The following RIOK2 variants were observed in gnomAD, a reference collection of about 807,000 sequenced individuals.
RIOK2 encodes the protein serine/threonine-protein kinase RIO2.
A neutral mutation model predicts 62.4 loss-of-function variants in RIOK2; 46 were observed. The ratio of observed to expected loss-of-function variants is 0.74; its 90% CI spans 0.58 to 0.94. RIOK2 has a LOEUF of 0.94. RIOK2 is among the 40% of genes least tolerant of loss of function. The pLI is 0.00. For synonymous variants in RIOK2, 197 were observed against 216.0 expected (o/e 0.91, Z 0.77); for missense variants, 574 against 658.0 (o/e 0.87, Z 1.40).
chr5:97,182,917 G>T, intron 1 of RIOK2: 2 of 625,150 alleles, frequency 3.2e-6, no homozygotes, highest in East Asian at 5.7e-5. Context: ...ATTAGAAGAC[G>T]GGACCTTTGC....
Position 97,182,089 on chromosome 5 carries a change from G to T in RIOK2, c.66+1037C>A, listed in dbSNP as rs570743513. 2.6e-5 allele frequency among the ~76,000 whole-genome samples: 4 copies of T among 152,084 alleles called. No homozygotes were observed. In the South Asian group the frequency reaches 8.3e-4, roughly 32 times the overall value. On this transcript the variant is annotated intron_variant, in intron 1 of 9. Transcript: ENST00000283109. ...ACAATATAGGTAGTCCTTATCATGG[G>T]GTTCACTCCTTACCAAAAGATAACG...
intron 9 of RIOK2, among the ~76,000 whole-genome samples, chr5:97,164,624 C>A (rs1196754930): frequency 1.3e-5 from 2 of 152,146 alleles, no homozygotes; most frequent in Non-Finnish European, 2.9e-5. Context: ...TCACAGTGAC[C>A]AAGCTCATTA....
rs1748703933 is a variant in RIOK2 at position 97,161,643 on chromosome 5, TTAATAG to T, written c.*1412_*1417del. On this transcript the variant is annotated 3_prime_UTR_variant, in exon 10 of 10. Transcript: ENST00000283109. ...AAAAATCATGTTTGTCTTGAGTTTCTTAATAGTAATGGGCTTTTTATGTAGTAGATA... is the reference window on the plus strand; with the variant it reads ...AAAAATCATGTTTGTCTTGAGTTTCTTAATGGGCTTTTTATGTAGTAGATA... 6.6e-6 allele frequency: 1 copy of T among 152,174 alleles called. No individual in the cohort carries two copies. Among genetic ancestry groups the T allele is most frequent in the African/African-American group, 2.4e-5 (1 of 41,446 alleles). The allele number at this position is 152,174 out of a possible 1,614,324, so 9.4% of individuals were successfully genotyped here.
At chr5:97,166,733 T>G in intron 8 of RIOK2, 1 of 978,158 alleles carries the variant, frequency 1.0e-6, no homozygotes, top group Non-Finnish European at 1.2e-6. Flanking sequence ...CTAGAGAAAA[T>G]TCACTGCAGA....
chr5:97,174,145 A>C (rs1384128843), intron 4 of RIOK2, among the ~76,000 whole-genome samples: 1 of 152,190 alleles, frequency 6.6e-6, no homozygotes, highest in African/African-American at 2.4e-5. Flanking sequence ...TGGGATGGGC[A>C]TGGAGTCTCA....
At position 97,163,031 on chromosome 5, in the gene RIOK2, A is replaced by T. The variant is rs779950814; in HGVS notation, c.*30T>A. On this transcript the variant is annotated 3_prime_UTR_variant, in exon 10 of 10. Transcript: ENST00000283109. Reference sequence around the variant, plus strand: ...AGGAATTACAGTAACTTTAAAAAATATATTAAACATATCCAAGATCCTAAA... The same window carrying T: ...AGGAATTACAGTAACTTTAAAAAATTTATTAAACATATCCAAGATCCTAAA... 8 of 1,559,592 alleles carry T rather than the reference A, an allele frequency of 5.1e-6. No individual in the cohort carries two copies. The South Asian group carries it at 9.3e-5, about 18-fold the overall frequency.
At chr5:97,166,677 A>T (rs1160388407) in intron 8 of RIOK2, 3 of 654,540 alleles carry the variant, frequency 4.6e-6, no homozygotes, top group Non-Finnish European at 5.7e-6. Flanking sequence ...TAATATCATT[A>T]GATAATTTTA....
chr5:97,173,176 G>A lies in RIOK2; in HGVS notation c.586C>T (p.Leu196=), dbSNP rs1371575261. The part of the protein sequence containing the change: ...VVMELINGYP[L]CQIHHVEDPA... ...GCTTTAAGAATAATGAATACTTACA[G>A]TGGATAACCATTTATGAGTTCCATG... The change falls in exon 5 of 10, where the codon CTA becomes TTA. Residue 196 remains leucine (L), a splice_region_variant and synonymous_variant. Transcript: ENST00000283109. 2 of 1,598,544 alleles carry A rather than the reference G, an allele frequency of 1.3e-6. No individual in the cohort carries two copies. The highest frequency in any genetic ancestry group is 1.7e-6 in the Non-Finnish European group (2 of 1,167,632).
Position 97,177,189 on chromosome 5 carries a change from T to C in RIOK2, c.425A>G (p.His142Arg), listed in dbSNP as rs990311676. ...CCATGACACATTGTGCCTATGTTTA[T>C]GATAATCGCGTTTGTTTTTCAAATT... is the stretch of plus-strand genomic sequence containing the variant. ...FRNLKNKRDYHKHRHNVSWLY... is the reference protein window; with the variant it reads ...FRNLKNKRDYRKHRHNVSWLY... The change falls in exon 4 of 10, where the codon CAT (histidine) becomes CGT (arginine). Residue 142 changes from histidine to arginine, a missense_variant. Coordinates refer to ENST00000283109, the MANE Select transcript of RIOK2 (RefSeq NM_018343.3). The C allele has an allele frequency of 6.2e-7, 1 of 1,613,434 alleles. No individual in the cohort carries two copies. Among genetic ancestry groups the C allele is most frequent in the African/African-American group, 1.3e-5 (1 of 74,918 alleles).
chr5:97,170,366 AT>A (rs1276330497), intron 6 of RIOK2, among the ~76,000 whole-genome samples: 14 of 152,008 alleles, frequency 9.2e-5, no homozygotes. Flanking sequence ...GTTTTATGTG[AT>A]TTTTTTTCTA....
In RIOK2 at chr5:97,165,081, G is replaced by A. The variant is rs1748809287; in HGVS notation, c.1464C>T (p.Gly488=). 6.3e-7 allele frequency: 1 copy of A among 1,589,570 alleles called. No homozygotes were observed. ...RTRTLSITSS[G]SAVSCSTIPP... ...GAATTGTTGAACAGCTTACAGCACT[G>A]CCTGAAGAAGTGATACTCAGAGTTC... The change falls in exon 9 of 10, where the codon GGC becomes GGT. Residue 488 remains glycine (G), a synonymous_variant. Coordinates refer to ENST00000283109, the MANE Select transcript of RIOK2 (RefSeq NM_018343.3).
chr5:97,168,866 A>G lies in RIOK2; in HGVS notation c.780-14T>C. ...CTGTCAAAATACCTGCAAAAGCAAG[A>G]ATCATTTATGATATAGTCTTTATTG... On this transcript the variant is annotated splice_polypyrimidine_tract_variant and intron_variant, in intron 6 of 9. Transcript: ENST00000283109. 6.7e-7 allele frequency: 1 copy of G among 1,502,920 alleles called. No individual in the cohort carries two copies. Among genetic ancestry groups the G allele is most frequent in the Non-Finnish European group, 9.1e-7 (1 of 1,097,108 alleles). 93.1% of individuals were successfully genotyped at this position (1,502,920 alleles called of 1,614,324 possible).
intron 8 of RIOK2, 140 bp from the exon 9 acceptor site, chr5:97,165,287 T>A: frequency 2.4e-6 from 1 of 419,630 alleles, no homozygotes; most frequent in Non-Finnish European, 4.1e-6. Context: ...TTTTAAAATT[T>A]CTGTGAAGAT....
intron 1 of RIOK2, 38 bp downstream of exon 1, chr5:97,183,088 T>C (rs3734010): frequency 1.2e-6 from 2 of 1,608,864 alleles, no homozygotes; most frequent in South Asian, 2.2e-5. Context: ...TCACACAGTG[T>C]TAAGGGGAAG....
At chr5:97,174,393 C>T (rs1305761780) in intron 4 of RIOK2, among the ~76,000 whole-genome samples, 1 of 152,090 alleles carries the variant, frequency 6.6e-6, no homozygotes, top group Non-Finnish European at 1.5e-5. Context: ...GCATTCTAGC[C>T]TGGGTGATAG....
chr5:97,178,650 A>ATGCTCTTCTGCAGTACTCTACC (rs1412737466), intron 2 of RIOK2, among the ~76,000 whole-genome samples: 20,128 of 109,138 alleles, frequency 0.18, 4,841 homozygotes, highest in East Asian at 0.29. Flanking sequence ...TGTACTCTAC[A>ATGCTCTTCTGCAGTACTCTACC]TGCTCTTCTG....
chr5:97,180,004 T>TATATATATAAAA (rs1491354180), intron 1 of RIOK2, among the ~76,000 whole-genome samples: 1 of 36,726 alleles, frequency 2.7e-5, no homozygotes, highest in African/African-American at 9.0e-5. Flanking sequence ...TATATATATA[T>TATATATATAAAA]TATATATATA....
intron 4 of RIOK2, among the ~76,000 whole-genome samples, chr5:97,174,148 GAGTCTCACGTC>G (rs1749096441): frequency 6.6e-6 from 1 of 152,178 alleles, no homozygotes; most frequent in Non-Finnish European, 1.5e-5. Flanking sequence ...GATGGGCATG[GAGTCTCACGTC>G]TGTAACCCCA....
Position 97,167,690 on chromosome 5 carries a change from CA to C in RIOK2, c.1173del (p.Phe391LeufsTer3), listed in dbSNP as rs1561516378. 6.2e-7 allele frequency: 1 copy of C among 1,614,200 alleles called. No homozygotes were observed. ...AAAGCTTGATTGAATTCAGTCATTT[CA>C]AAACTCCGTGCATCAGCACTCTCTT... is the stretch of plus-strand genomic sequence containing the variant. ...LSEESADARS[F>X]EMTEFNQALE... On this transcript the variant is annotated frameshift_variant, in exon 8 of 10. Coordinates refer to ENST00000283109, the MANE Select transcript of RIOK2 (RefSeq NM_018343.3). LOFTEE classifies it high-confidence loss of function.
Sources: gnomAD v4.1 joint callset for allele counts (sites outside exome capture counted in the v4.1 genomes callset) on GRCh38, gnomAD v4.1.1 for gene constraint, MANE v1.5 for transcripts, NCBI Gene and HGNC (gene_info 2026-07-23, HGNC 2026-07-21) for gene names.